TRPS1: variants seen among roughly 807,000 people sequenced by gnomAD.
The protein encoded by TRPS1 is zinc finger transcription factor Trps1.
Under a neutral mutation model 101.2 loss-of-function variants are expected in TRPS1, and 6 were observed. The ratio of observed to expected loss-of-function variants is 0.06; its 90% CI spans 0.03 to 0.12. TRPS1 has a LOEUF of 0.12. TRPS1 is among the 10% of genes least tolerant of loss of function. The probability of loss-of-function intolerance (pLI) is 1.00; values close to 1 mark genes in which losing one functional copy is unlikely to be tolerated. For missense variants in TRPS1, 1,363 were observed against 1,567.0 expected (o/e 0.87, Z 2.20); for synonymous variants, 578 against 589.8 (o/e 0.98, Z 0.29).
At chr8:115,503,713 T>C (rs905011492) in intron 5 of TRPS1, among the ~76,000 whole-genome samples, 4 of 152,234 alleles carry the variant, frequency 2.6e-5, no homozygotes, top group East Asian at 3.8e-4. Flanking sequence ...CATGTATTCA[T>C]GTATTAACAA....
At chr8:115,585,047 A>C (rs1272883720) in intron 5 of TRPS1, among the ~76,000 whole-genome samples, 1 of 152,146 alleles carries the variant, frequency 6.6e-6, no homozygotes, top group Non-Finnish European at 1.5e-5. Flanking sequence ...CAGATCTCTG[A>C]AATTTAGTAG....
chr8:115,461,298 TAG>T (rs1563747845), intron 5 of TRPS1, among the ~76,000 whole-genome samples: 3,682 of 37,788 alleles, frequency 0.097, 162 homozygotes, highest in African/African-American at 0.21. Context: ...GATAGATAGA[TAG>T]ACAGATACAT....
At position 115,443,098 on chromosome 8, in the gene TRPS1, A is replaced by C. The variant is rs576072459; in HGVS notation, c.2701-24646T>G. Among the ~76,000 whole-genome samples, 86 of 151,948 alleles carry C rather than the reference A, an allele frequency of 5.7e-4. 2 individuals are homozygous for C. The East Asian group carries it at 0.016, about 28-fold the overall frequency. On this transcript the variant is annotated intron_variant, in intron 5 of 6. Transcript: ENST00000395715. ...GTGACAGAGCGAGACTCCATCTCAA[A>C]AAAAAAGAAAAAGGAAAAAAAAATA...
intron 1 of TRPS1, among the ~76,000 whole-genome samples, chr8:115,641,976 C>T (rs116945304): frequency 0.06 from 9,130 of 152,156 alleles, 386 homozygotes; most frequent in South Asian, 0.12. Flanking sequence ...CTTTGGGAGA[C>T]TGAGATGGGA....
intron 5 of TRPS1, among the ~76,000 whole-genome samples, chr8:115,479,379 A>T (rs1468140746): frequency 6.6e-6 from 1 of 152,180 alleles, no homozygotes; most frequent in Admixed American, 6.5e-5. Context: ...TCCATAGACA[A>T]AATGTATCTG....
chr8:115,619,814 T>C lies in TRPS1; in HGVS notation c.284A>G (p.Glu95Gly). 6.2e-7 allele frequency: 1 copy of C among 1,614,224 alleles called. No individual in the cohort carries two copies. Among genetic ancestry groups the C allele is most frequent in the African/African-American group, 1.3e-5 (1 of 75,062 alleles). ...GCTTTCATAATTGAAGCCAGCCTTC[T>C]CACTCAGAACTGCGCTTTTCAAGTC... ...KKDLKSAVLSEKAGFNYESPS... is the reference protein window; with the variant it reads ...KKDLKSAVLSGKAGFNYESPS... Residue 95 changes from glutamate (E) to glycine (G), a missense_variant, in exon 3 of 7, where the codon GAG becomes GGG. By Grantham distance (98) the Glu-to-Gly change is moderately conservative (BLOSUM62 -2). Transcript: ENST00000395715.
At chr8:115,655,426 G>C (rs1811655704) in intron 1 of TRPS1, among the ~76,000 whole-genome samples, 1 of 152,128 alleles carries the variant, frequency 6.6e-6, no homozygotes. Context: ...AAGCAGAATA[G>C]ATGGGGGCCA....
chr8:115,628,884 G>A (rs941255120), intron 1 of TRPS1, among the ~76,000 whole-genome samples: 7 of 151,726 alleles, frequency 4.6e-5, no homozygotes, highest in Admixed American at 6.6e-5. Flanking sequence ...TAAGTTTAAT[G>A]GAAACTGTAT....
At chr8:115,499,963 C>CT (rs147312877) in intron 5 of TRPS1, among the ~76,000 whole-genome samples, 3 of 52,504 alleles carry the variant, frequency 5.7e-5, no homozygotes, top group South Asian at 7.3e-4. Flanking sequence ...TTCTTTCTTT[C>CT]TTTTCTTTTC....
chr8:115,419,520 T>A (rs1388518159), intron 5 of TRPS1, among the ~76,000 whole-genome samples: 1 of 152,218 alleles, frequency 6.6e-6, no homozygotes, highest in Non-Finnish European at 1.5e-5. Context: ...AAATTAAATA[T>A]TACATGTGCC....
chr8:115,485,256 G>A (rs550950276), intron 5 of TRPS1, among the ~76,000 whole-genome samples: 9 of 152,304 alleles, frequency 5.9e-5, no homozygotes, highest in South Asian at 2.1e-4. Flanking sequence ...CCGGCCAACA[G>A]CTACAAGGAA....
chr8:115,647,093 T>A (rs1223859719), intron 1 of TRPS1, among the ~76,000 whole-genome samples: 2 of 152,152 alleles, frequency 1.3e-5, no homozygotes, highest in African/African-American at 4.8e-5. Context: ...CATCCAGTCA[T>A]ATATCAACTA....
At chr8:115,643,073 T>C (rs1818940281) in intron 1 of TRPS1, among the ~76,000 whole-genome samples, 1 of 152,114 alleles carries the variant, frequency 6.6e-6, no homozygotes, top group Non-Finnish European at 1.5e-5. Flanking sequence ...GTTTAAAAAA[T>C]ACACTTAGTT....
At chr8:115,426,524 G>GA (rs1003257465) in intron 5 of TRPS1, among the ~76,000 whole-genome samples, 4 of 151,480 alleles carry the variant, frequency 2.6e-5, no homozygotes, top group African/African-American at 7.3e-5. Context: ...GGAAAAAACA[G>GA]AAAAAAAATC....
At chr8:115,603,796 G>A (rs977253038) in intron 4 of TRPS1, 77 bp downstream of exon 4, 32 of 1,532,628 alleles carry the variant, frequency 2.1e-5, no homozygotes, top group Admixed American at 1.1e-4. Context: ...AACAATTCCC[G>A]GTTCAGCCCT....
At chr8:115,441,890 AGAGAGAGAGT>A (rs1296591939) in intron 5 of TRPS1, among the ~76,000 whole-genome samples, 25 of 137,594 alleles carry the variant, frequency 1.8e-4, no homozygotes, top group African/African-American at 4.6e-4. Flanking sequence ...AGAGAGAGAG[AGAGAGAGAGT>A]GTGTGTGTGT....
intron 5 of TRPS1, among the ~76,000 whole-genome samples, chr8:115,453,741 C>T (rs1167522913): frequency 5.9e-5 from 9 of 152,194 alleles, no homozygotes; most frequent in Non-Finnish European, 1.2e-4. Context: ...AGACTATCCA[C>T]TTCTAAAGTA....
At chr8:115,589,140 GA>G (rs1263119651) in intron 4 of TRPS1, among the ~76,000 whole-genome samples, 2 of 152,218 alleles carry the variant, frequency 1.3e-5, no homozygotes, top group Non-Finnish European at 2.9e-5. Flanking sequence ...CTGAGACACT[GA>G]AAAGAGGACA....
At chr8:115,640,700 AC>A (rs1818875505) in intron 1 of TRPS1, among the ~76,000 whole-genome samples, 1 of 152,214 alleles carries the variant, frequency 6.6e-6, no homozygotes, top group African/African-American at 2.4e-5. Context: ...ATACAACTTT[AC>A]CTAATTTTCT....
Sources: gnomAD v4.1 joint callset for allele counts (sites outside exome capture counted in the v4.1 genomes callset) on GRCh38, gnomAD v4.1.1 for gene constraint, MANE v1.5 for transcripts, NCBI Gene and HGNC (gene_info 2026-07-23, HGNC 2026-07-21) for gene names.